Variants in MCM5 observed in about 807,000 individuals in gnomAD.
MCM5 encodes DNA replication licensing factor MCM5.
MCM5 carries 46 observed loss-of-function variants against 79.9 expected under a neutral mutation model. The ratio of observed to expected loss-of-function variants is 0.58; its 90% CI spans 0.45 to 0.74. The LOEUF (loss-of-function observed/expected upper bound fraction) is 0.74, where lower values mean the gene tolerates loss of function less well. MCM5 is among the 30% of genes least tolerant of loss of function. The probability of loss-of-function intolerance (pLI) is 0.00; values close to 1 mark genes in which losing one functional copy is unlikely to be tolerated. For missense variants in MCM5, 883 were observed against 1,017.0 expected, an observed-to-expected ratio of 0.87 and a Z score of 1.79; for synonymous variants, 404 against 390.5, an observed-to-expected ratio of 1.03 and a Z score of -0.41.
intron 7 of MCM5, 127 bp downstream of exon 7, chr22:35,411,037 C>T (rs557827710): frequency 7.8e-5 from 64 of 821,982 alleles, no homozygotes; most frequent in South Asian, 3.3e-4. Context: ...ATCATTAGAA[C>T]GTTCATTTTT....
intron 15 of MCM5, chr22:35,421,944 C>T (rs988304447): frequency 7.6e-6 from 2 of 264,226 alleles, no homozygotes; most frequent in Non-Finnish European, 1.5e-5. Context: ...GTCTCCTGGC[C>T]CCTAGGCCAG....
intron 2 of MCM5, 28 bp downstream of exon 2, chr22:35,400,633 G>C (rs752042769): frequency 2.6e-6 from 4 of 1,560,806 alleles, no homozygotes; most frequent in Admixed American, 1.8e-5. Context: ...CCGGGGGCTC[G>C]AGTTCCAGTG....
intron 2 of MCM5, chr22:35,401,494 G>T (rs567485467): frequency 4.3e-6 from 2 of 469,714 alleles, no homozygotes; most frequent in South Asian, 1.5e-5. Flanking sequence ...GACATCATGA[G>T]AATTCTCATA....
At position 35,408,564 on chromosome 22, in the gene MCM5, G is replaced by T. The variant is rs1303768863; in HGVS notation, c.752+1G>T. ...GACACATGCAGCTCTACTGCGACAG[G>T]TGAGGCAGACGGGCTGGGAGGTGGG... is the stretch of plus-strand genomic sequence containing the variant. On this transcript the variant is annotated splice_donor_variant, in intron 6 of 16. Coordinates refer to ENST00000216122, the MANE Select transcript of MCM5 (RefSeq NM_006739.4). LOFTEE classifies it high-confidence loss of function. The T allele has an allele frequency of 1.9e-6, 3 of 1,603,126 alleles. No homozygotes were observed. The highest frequency in any genetic ancestry group is 2.6e-6 in the Non-Finnish European group (3 of 1,171,032).
intron 2 of MCM5, among the ~76,000 whole-genome samples, chr22:35,402,128 A>T (rs567563628): frequency 1.5e-4 from 23 of 152,262 alleles, no homozygotes; most frequent in Middle Eastern, 6.8e-3. Flanking sequence ...TCTGGGCTGG[A>T]CGCAGTGGCT....
At chr22:35,431,820 C>T in the MCM5 span, among the ~76,000 whole-genome samples, 1 of 152,188 alleles carries the variant, frequency 6.6e-6, no homozygotes, top group African/African-American at 2.4e-5. Context: ...GACTTCAGTT[C>T]CCTCTGTGCC....
chr22:35,409,184 C>T (rs931746848), intron 6 of MCM5, among the ~76,000 whole-genome samples: 26 of 152,160 alleles, frequency 1.7e-4, no homozygotes, highest in African/African-American at 4.1e-4. Flanking sequence ...AGGATGGTCT[C>T]GATCTCCTGA....
At chr22:35,417,933 C>G (rs950936272) in intron 13 of MCM5, 77 bp downstream of exon 13, 1 of 952,922 alleles carries the variant, frequency 1.0e-6, no homozygotes, top group African/African-American at 1.6e-5. Flanking sequence ...TCCCCTGGTC[C>G]TGCTCCTCCT....
chr22:35,412,759 G>C (rs1932424587), intron 8 of MCM5, 78 bp downstream of exon 8: 1 of 1,208,738 alleles, frequency 8.3e-7, no homozygotes, highest in East Asian at 2.9e-5. Flanking sequence ...TGGATAATCA[G>C]GACTGGGCAC....
chr22:35,436,303 G>A, the MCM5 span, among the ~76,000 whole-genome samples: 1 of 152,074 alleles, frequency 6.6e-6, no homozygotes, highest in Non-Finnish European at 1.5e-5. Flanking sequence ...CAGACCGCAT[G>A]GGCCCCAGAG....
At chr22:35,420,250 C>T (rs368311545) in intron 14 of MCM5, among the ~76,000 whole-genome samples, 11 of 152,336 alleles carry the variant, frequency 7.2e-5, no homozygotes, top group African/African-American at 2.6e-4. Context: ...TTTGGCCTGG[C>T]TTCTCCCATT....
chr22:35,421,306 T>G lies in MCM5; in HGVS notation c.1833-12T>G. On this transcript the variant is annotated splice_polypyrimidine_tract_variant and intron_variant, in intron 14 of 16. Coordinates refer to ENST00000216122, the MANE Select transcript of MCM5 (RefSeq NM_006739.4). ...GACCGAGGCTACCCTGAGCACGCTGTTGCCCCCACAGGCAGCTGGAGGCCA... is the reference window on the plus strand; with the variant it reads ...GACCGAGGCTACCCTGAGCACGCTGGTGCCCCCACAGGCAGCTGGAGGCCA... 2 of 1,611,018 alleles carry G rather than the reference T, an allele frequency of 1.2e-6. No homozygotes were observed. Among genetic ancestry groups the G allele is most frequent in the South Asian group, 2.2e-5 (2 of 91,034 alleles).
At chr22:35,406,497 C>T (rs548730742) in intron 4 of MCM5, 56 bp from the exon 5 acceptor site, 3 of 1,532,674 alleles carry the variant, frequency 2.0e-6, no homozygotes, top group African/African-American at 1.4e-5. Flanking sequence ...ACTGGCATAT[C>T]TCAGATGCGT....
At chr22:35,425,538 G>A (rs1932771830), downstream of MCM5, 1 of 152,026 alleles carries the variant, frequency 6.6e-6, no homozygotes, top group South Asian at 2.1e-4. Context: ...GAGATGAGAG[G>A]AGCTAAATCA....
At chr22:35,406,298 C>CA (rs1569064463) in intron 4 of MCM5, among the ~76,000 whole-genome samples, 1 of 136,220 alleles carries the variant, frequency 7.3e-6, no homozygotes, top group South Asian at 2.4e-4. Context: ...GCCCTGCCAC[C>CA]TCCCCCCCCA....
chr22:35,403,597 G>T, intron 4 of MCM5, 55 bp downstream of exon 4: 2 of 1,597,428 alleles, frequency 1.3e-6, no homozygotes, highest in East Asian at 4.5e-5. Flanking sequence ...GATGCAGCCA[G>T]ACCTGAGTGC....
chr22:35,400,435 A>G lies in MCM5; in HGVS notation c.-4A>G. 1 of 1,614,006 alleles carries G rather than the reference A, an allele frequency of 6.2e-7. No homozygotes were observed. Among genetic ancestry groups the G allele is most frequent in the Non-Finnish European group, 8.5e-7 (1 of 1,179,924 alleles). Reference sequence around the variant, plus strand: ...GGCCGTTTGTTCCCACCCCAGGCGCAGTCATGTCGGGATTCGACGATCCTG... The same window carrying G: ...GGCCGTTTGTTCCCACCCCAGGCGCGGTCATGTCGGGATTCGACGATCCTG... On this transcript the variant is annotated 5_prime_UTR_variant, in exon 2 of 17. Transcript: ENST00000216122.
intron 8 of MCM5, among the ~76,000 whole-genome samples, chr22:35,413,537 C>T (rs982945625): frequency 6.6e-6 from 1 of 152,206 alleles, no homozygotes; most frequent in African/African-American, 2.4e-5. Context: ...GCACCGTGCA[C>T]AGCCCACAGG....
Position 35,400,517 on chromosome 22 carries a change from C to G in MCM5, c.79C>G (p.Arg27Gly), listed in dbSNP as rs1213676370. ...GDAQADEGQA[R>G]KSQLQRRFKE... is the part of the protein sequence containing the mutation. ...CGCCCAGGCCGACGAGGGGCAGGCCCGCAAATCGCAGCTGCAGAGGCGCTT... is the reference window on the plus strand; with the variant it reads ...CGCCCAGGCCGACGAGGGGCAGGCCGGCAAATCGCAGCTGCAGAGGCGCTT... Residue 27 changes from arginine (R) to glycine (G), a missense_variant, in exon 2 of 17, where the codon CGC becomes GGC. Transcript: ENST00000216122. 5 of 1,613,974 alleles carry G rather than the reference C, an allele frequency of 3.1e-6. No individual in the cohort carries two copies. The highest frequency in any genetic ancestry group is 4.2e-6 in the Non-Finnish European group (5 of 1,179,982).
Sources: allele counts gnomAD v4.1 joint callset (sites outside exome capture counted in the v4.1 genomes callset), GRCh38; gene constraint gnomAD v4.1.1; transcripts MANE v1.5; gene names NCBI Gene and HGNC (gene_info 2026-07-23, HGNC 2026-07-21).